Variants in DACT3 observed in about 807,000 individuals in gnomAD.
DACT3 encodes dapper homolog 3.
DACT3 carries 5 observed loss-of-function variants against 19.6 expected under a neutral mutation model. That is an observed-to-expected ratio of 0.26 (90% CI 0.13 to 0.54). DACT3 has a LOEUF of 0.54. DACT3 is among the 20% of genes least tolerant of loss of function. The pLI, the probability that DACT3 is intolerant of heterozygous loss-of-function variation, is 0.95. For synonymous variants in DACT3, 454 were observed against 428.1 expected (o/e 1.06, Z -0.75); for missense variants, 908 against 927.4 (o/e 0.98, Z 0.27).
At chr19:46,652,479 A>G (rs2052995209) in intron 3 of DACT3, 181 bp downstream of exon 3, 1 of 720,510 alleles carries the variant, frequency 1.4e-6, no homozygotes, top group Non-Finnish European at 2.2e-6. Flanking sequence ...GCACCCAGCC[A>G]TATTTCATTT....
At chr19:46,656,113 T>C (rs1418923396) in intron 1 of DACT3, among the ~76,000 whole-genome samples, 1 of 150,476 alleles carries the variant, frequency 6.6e-6, no homozygotes, top group Non-Finnish European at 1.5e-5. Flanking sequence ...CAGGCTGGAG[T>C]GCAGTGGTGC....
Position 46,649,871 on chromosome 19 carries a change from T to G in DACT3, c.501A>C (p.Gly167=). 1 of 1,360,938 alleles carries G rather than the reference T, an allele frequency of 7.3e-7. No homozygotes were observed. Among genetic ancestry groups the G allele is most frequent in the Non-Finnish European group, 9.4e-7 (1 of 1,067,338 alleles). 84.3% of individuals were successfully genotyped at this position (1,360,938 alleles called of 1,614,324 possible). A position where few individuals can be genotyped will look rare whatever the true frequency, so the allele number is the denominator to read the frequency against. Residue 167 remains glycine, a splice_region_variant and synonymous_variant, in exon 4 of 4, where the codon GGA becomes GGC. Transcript: ENST00000391916. ...CCTCCGGAGCGCTGGGACTGGCGTC[T>G]CCTAGGGAAGGAAGGCCAAAAAAAA... is the stretch of plus-strand genomic sequence containing the variant. ...IYASERPKSL[G]DASPSAPEVV...
rs1459221274 is a variant in DACT3 at position 46,648,666 on chromosome 19, C to A, written c.1706G>T (p.Gly569Val). 25 of 1,612,098 alleles carry A rather than the reference C, an allele frequency of 1.6e-5. No homozygotes were observed. The highest frequency in any genetic ancestry group is 2.1e-5 in the Non-Finnish European group (25 of 1,179,402). Residue 569 changes from glycine to valine, a missense_variant, in exon 4 of 4, where the codon GGC becomes GTC. Around this residue, in one of 2 missense-constraint regions of DACT3, gnomAD observed 656 missense variants for 601.8 expected, o/e 1.09. Transcript: ENST00000391916. This position sits in a 1 kb window ranked among gnomAD's most constrained non-coding sequence, Gnocchi z 5.1. ...CTGCGGCCACACGAGGCCACCGCTG[C>A]CGTCTGAGTCGCTGGAGGCAGAGCT... ...AFSSASSDSDGSGGLVWPQQL... is the reference protein window; with the variant it reads ...AFSSASSDSDVSGGLVWPQQL...
chr19:46,659,473 G>C (rs1568700821), intron 1 of DACT3: 1 of 984,110 alleles, frequency 1.0e-6, no homozygotes, highest in African/African-American at 1.8e-5. Context: ...CTTCCAAGCC[G>C]AGCCAGCTTG....
chr19:46,654,742 G>C (rs1283797767), intron 1 of DACT3: 2 of 985,294 alleles, frequency 2.0e-6, no homozygotes, highest in Non-Finnish European at 2.4e-6. Flanking sequence ...GAGGGAAGTG[G>C]GGAGGAGGGT....
chr19:46,659,305 G>C (rs2053056278), intron 1 of DACT3: 1 of 965,554 alleles, frequency 1.0e-6, no homozygotes, highest in South Asian at 4.8e-5. Flanking sequence ...AGGGGGAGGA[G>C]GGGACAGAGG....
At chr19:46,655,901 G>GTCTCTCTCTCTCTCTCTCTCTC (rs140521907) in intron 1 of DACT3, among the ~76,000 whole-genome samples, 1 of 131,850 alleles carries the variant, frequency 7.6e-6, no homozygotes, top group African/African-American at 2.9e-5. Context: ...GTGAGACCCA[G>GTCTCTCTCTCTCTCTCTCTCTC]TCTCTCTCTC....
intron 1 of DACT3, chr19:46,654,854 C>T (rs1309135866): frequency 1.0e-6 from 1 of 984,788 alleles, no homozygotes. Context: ...CTCCAGGGCC[C>T]AGCCTCTCCC....
Position 46,660,991 on chromosome 19 carries a change from G to T in DACT3, c.74C>A (p.Ala25Asp), listed in dbSNP as rs1302140261. Residue 25 changes from alanine to aspartate, a missense_variant, in exon 1 of 4, where the codon GCC becomes GAC. Physicochemically the swap from Ala to Asp is moderately radical, Grantham distance 126. Coordinates refer to ENST00000391916, the MANE Select transcript of DACT3 (RefSeq NM_145056.3). The surrounding 1 kb of genome is among the most constrained non-coding windows in gnomAD (Gnocchi z 4.9). ...RLRGWLEGSL[A>D]GLCELHWLRE... ...GAGCCAATGTAACTCGCAGAGCCCGGCCAGGCTACCCTCCAGCCAGCCCCG... is the reference window on the plus strand; with the variant it reads ...GAGCCAATGTAACTCGCAGAGCCCGTCCAGGCTACCCTCCAGCCAGCCCCG... The T allele has an allele frequency of 2.0e-6, 3 of 1,538,422 alleles. No individual in the cohort carries two copies. Among genetic ancestry groups the T allele is most frequent in the South Asian group, 1.2e-5 (1 of 83,356 alleles).
Position 46,660,947 on chromosome 19 carries a change from G to T in DACT3, c.118C>A (p.Arg40Ser). The T allele has an allele frequency of 6.5e-7, 1 of 1,540,328 alleles. No homozygotes were observed. Residue 40 changes from arginine to serine, a missense_variant, in exon 1 of 4, where the codon CGC (arginine) becomes AGC (serine). Transcript: ENST00000391916. The surrounding 1 kb of genome is among the most constrained non-coding windows in gnomAD (Gnocchi z 4.9). ...LHWLRERQEY[R>S]VQQALRLAQP... Reference sequence around the variant, plus strand: ...GCCAGCCGCAGCGCCTGCTGCACGCGGTACTCCTGCCTCTCCCGGAGCCAA... The same window carrying T: ...GCCAGCCGCAGCGCCTGCTGCACGCTGTACTCCTGCCTCTCCCGGAGCCAA...
chr19:46,652,193 CTATT>C (rs2052992434), intron 3 of DACT3: 21 of 162,190 alleles, frequency 1.3e-4, no homozygotes, highest in Middle Eastern at 3.2e-3. Context: ...TGTGCCCAGC[CTATT>C]TATTTATTTA....
intron 1 of DACT3, chr19:46,654,054 G>A (rs961786636): frequency 1.0e-6 from 1 of 985,364 alleles, no homozygotes; most frequent in Non-Finnish European, 1.2e-6. Context: ...AGACAGTCCT[G>A]TGAGTCTAGC....
chr19:46,654,314 T>C (rs10410137), intron 1 of DACT3: 168,943 of 667,190 alleles, frequency 0.25, 22,791 homozygotes, highest in East Asian at 0.44. Flanking sequence ...GGTGAAACCT[T>C]GTCTCCCTTA....
chr19:46,649,974 C>G (rs1206224099), intron 3 of DACT3, 102 bp from the exon 4 acceptor site: 17 of 1,240,458 alleles, frequency 1.4e-5, no homozygotes, highest in African/African-American at 3.2e-5. Context: ...GGTTGCCTCC[C>G]TCCCTTCCAT....
chr19:46,661,123 A>C lies in DACT3; in HGVS notation c.-59T>G, dbSNP rs910618651. The C allele has an allele frequency of 1.9e-5, 24 of 1,265,480 alleles. No homozygotes were observed. The highest frequency in any genetic ancestry group is 1.7e-4 in the African/African-American group (8 of 47,154). The allele number at this position is 1,265,480 out of a possible 1,614,324, so 78.4% of individuals were successfully genotyped here. ...CCGCGGCCACCCCTCTCCCGGTCCC[A>C]CCTCCCCGCCCCAGCAGCCTGCCCG... On this transcript the variant is annotated 5_prime_UTR_variant, in exon 1 of 4. Coordinates refer to ENST00000391916, the MANE Select transcript of DACT3 (RefSeq NM_145056.3).
At chr19:46,657,144 A>C (rs4578773) in intron 1 of DACT3, among the ~76,000 whole-genome samples, 28,376 of 151,868 alleles carry the variant, frequency 0.19, 3,012 homozygotes, top group South Asian at 0.36. Context: ...GATTTAGGGG[A>C]TCCAGGGAGG....
Position 46,660,511 on chromosome 19 carries a change from G to A in DACT3, c.249+305C>T, listed in dbSNP as rs1037634136. On this transcript the variant is annotated intron_variant, in intron 1 of 3. Transcript: ENST00000391916. The surrounding 1 kb of genome is among the most constrained non-coding windows in gnomAD (Gnocchi z 4.9). Reference sequence around the variant, plus strand: ...AGAAGACAACGCCTGCAAAGTACCCGGTCTCGGGTTTGACACATACTTGGC... The same window carrying A: ...AGAAGACAACGCCTGCAAAGTACCCAGTCTCGGGTTTGACACATACTTGGC... The A allele has an allele frequency of 5.5e-6, 2 of 361,870 alleles. No individual in the cohort carries two copies. The highest frequency in any genetic ancestry group is 5.0e-5 in the Admixed American group (1 of 20,118). 22.4% of individuals were successfully genotyped at this position (361,870 alleles called of 1,614,324 possible).
In DACT3 at chr19:46,649,103, G is replaced by A; in HGVS notation, c.1269C>T (p.Arg423=). The A allele has an allele frequency of 7.7e-7, 1 of 1,297,042 alleles. No homozygotes were observed. The highest frequency in any genetic ancestry group is 9.8e-7 in the Non-Finnish European group (1 of 1,023,912). 80.3% of individuals were successfully genotyped at this position (1,297,042 alleles called of 1,614,324 possible). ...CCAGCAGGCTGGTCTCAGACTGGGA[G>A]CGCGAGGCCTTGCGGGCCCTGGGCG... ...RGSPRARKAS[R]SQSETSLLGR... Residue 423 remains arginine (R), a synonymous_variant, in exon 4 of 4, where the codon CGC becomes CGT. Transcript: ENST00000391916.
intron 1 of DACT3, among the ~76,000 whole-genome samples, chr19:46,653,539 T>TTTTATTTATTTATCTA (rs1555822616): frequency 7.1e-6 from 1 of 141,152 alleles, no homozygotes; most frequent in African/African-American, 2.7e-5. Flanking sequence ...CTTTTTTTAT[T>TTTTATTTATTTATCTA]TTTATTTATT....
Sources: allele counts gnomAD v4.1 joint callset (sites outside exome capture counted in the v4.1 genomes callset), GRCh38; gene constraint gnomAD v4.1.1; regional missense constraint gnomAD v4.1.1; non-coding constraint Gnocchi (gnomAD v3.1); transcripts MANE v1.5; gene names NCBI Gene and HGNC (gene_info 2026-07-23, HGNC 2026-07-21).